The following ANKH variants were observed in gnomAD, a reference collection of about 807,000 sequenced individuals.
ANKH encodes ANKH inorganic pyrophosphate transport regulator.
Under a neutral mutation model 49.0 loss-of-function variants are expected in ANKH, and 15 were observed. The observed-to-expected ratio is 0.31, with a 90% CI of 0.20 to 0.47. ANKH has a LOEUF of 0.47. Among genes scored for constraint, ANKH ranks in the 20% least tolerant of loss-of-function variants. ANKH has a pLI of 1.00. For missense variants in ANKH, 429 were observed against 652.0 expected (o/e 0.66, Z 3.72); for synonymous variants, 273 against 260.0 (o/e 1.05, Z -0.48).
intron 1 of ANKH, among the ~76,000 whole-genome samples, chr5:14,867,881 T>G (rs953055312): frequency 6.6e-6 from 1 of 152,216 alleles, no homozygotes; most frequent in African/African-American, 2.4e-5. Context: ...TTTTATTCCA[T>G]AGAGCTTTTT....
rs749656900 is a variant in ANKH at position 14,755,897 on chromosome 5, C to A, written c.480G>T (p.Leu160=). 4 of 1,614,100 alleles carry A rather than the reference C, an allele frequency of 2.5e-6. No homozygotes were observed. The African/African-American group carries it at 4.0e-5, about 16-fold the overall frequency. ...CATCTGAGATTGAGGCACATCCCAC[C>A]AGGAAACTGTATTTGTGTTTTAAGA... ...GILLKHKYSF[L]VGCASISDVI... is the part of the protein sequence containing the mutation. The change falls in exon 4 of 12, where the codon CTG becomes CTT. Residue 160 remains leucine, a synonymous_variant. Coordinates refer to ENST00000284268, the MANE Select transcript of ANKH (RefSeq NM_054027.6).
At chr5:14,868,773 C>T (rs1735733492) in intron 1 of ANKH, 1 of 151,366 alleles carries the variant, frequency 6.6e-6, no homozygotes, top group Admixed American at 6.6e-5. Context: ...AACTCCTGAG[C>T]TCAAGCGATC....
chr5:14,738,551 T>A (rs1738256219), intron 8 of ANKH, among the ~76,000 whole-genome samples: 1 of 152,158 alleles, frequency 6.6e-6, no homozygotes, highest in African/African-American at 2.4e-5. Flanking sequence ...TCTGCTGAAA[T>A]AAACACCAAG....
At chr5:14,743,608 T>C (rs1002709234) in intron 7 of ANKH, among the ~76,000 whole-genome samples, 3 of 152,236 alleles carry the variant, frequency 2.0e-5, no homozygotes, top group Non-Finnish European at 4.4e-5. Flanking sequence ...TCTCTGATTC[T>C]GGAGCCCACA....
chr5:14,716,793 T>C lies in ANKH; in HGVS notation c.1054A>G (p.Ile352Val), dbSNP rs1349846762. ...TCCACTCCGATGATGTCTATCAAGATTTTCTCAGACACGTTGGGTGTCCAA... is the reference window on the plus strand; with the variant it reads ...TCCACTCCGATGATGTCTATCAAGACTTTCTCAGACACGTTGGGTGTCCAA... ...MFWTPNVSEK[I>V]LIDIIGVDFA... Residue 352 changes from isoleucine (I) to valine (V), a missense_variant, in exon 9 of 12, where the codon ATC becomes GTC. Ile to Val is a conservative substitution (Grantham distance 29, BLOSUM62 3). Coordinates refer to ENST00000284268, the MANE Select transcript of ANKH (RefSeq NM_054027.6). The C allele has an allele frequency of 5.6e-6, 9 of 1,614,184 alleles. No individual in the cohort carries two copies. Among genetic ancestry groups the C allele is most frequent in the Admixed American group, 1.7e-5 (1 of 60,032 alleles).
chr5:14,792,993 T>TATATATATATAAAAAAA (rs1561057653), intron 1 of ANKH, among the ~76,000 whole-genome samples: 1 of 90,600 alleles, frequency 1.1e-5, no homozygotes, highest in Non-Finnish European at 2.3e-5. Context: ...TATATAAAAA[T>TATATATATATAAAAAAA]ATATATATAT....
At chr5:14,711,340 G>T in intron 11 of ANKH, 30 bp from the exon 12 acceptor site, 9 of 1,586,170 alleles carry the variant, frequency 5.7e-6, no homozygotes, top group Non-Finnish European at 7.8e-6. Context: ...TCAGTGTGGG[G>T]CTGTGGATGG....
rs1188821303 is a variant in ANKH at position 14,710,912 on chromosome 5, C to A, written c.*285G>T. ...CCAGGGGAGGAGGACACAACGTCAA[C>A]CGTGAGGCAGCTGTGTCTTTTGGGT... On this transcript the variant is annotated 3_prime_UTR_variant, in exon 12 of 12. Transcript: ENST00000284268. 7.2e-6 allele frequency: 3 copies of A among 417,180 alleles called. No individual in the cohort carries two copies. The highest frequency in any genetic ancestry group is 1.4e-5 in the Non-Finnish European group (3 of 222,100). The allele number at this position is 417,180 out of a possible 1,614,324, so 25.8% of individuals were successfully genotyped here. A position where few individuals can be genotyped will look rare whatever the true frequency, so the allele number is the denominator to read the frequency against.
At chr5:14,860,323 C>T (rs1735443566) in intron 1 of ANKH, among the ~76,000 whole-genome samples, 1 of 152,196 alleles carries the variant, frequency 6.6e-6, no homozygotes, top group South Asian at 2.1e-4. Context: ...TCACTGTGGC[C>T]TTGGACTTGG....
chr5:14,826,277 T>C (rs1178265626), intron 1 of ANKH, among the ~76,000 whole-genome samples: 1 of 152,212 alleles, frequency 6.6e-6, no homozygotes, highest in East Asian at 1.9e-4. Flanking sequence ...ACACCTCATA[T>C]GGGATTAAGT....
intron 1 of ANKH, among the ~76,000 whole-genome samples, chr5:14,837,860 A>T (rs1297084000): frequency 6.6e-6 from 1 of 152,224 alleles, no homozygotes; most frequent in Non-Finnish European, 1.5e-5. Flanking sequence ...AATAGCAAAG[A>T]CTTGGAACCA....
rs938684141 is a variant in ANKH, at chr5:14,737,832, G to A, written c.1011+3995C>T. 5.9e-5 allele frequency among the ~76,000 whole-genome samples: 9 copies of A among 152,204 alleles called. No homozygotes were observed. Among genetic ancestry groups the A allele is most frequent in the African/African-American group, 1.9e-4 (8 of 41,446 alleles). ...CCCTCGTTGCTATCAAGGGGATTCC[G>A]TTTCATCTGACAGTTCTACTGTTTT... On this transcript the variant is annotated intron_variant, in intron 8 of 11. Coordinates refer to ENST00000284268, the MANE Select transcript of ANKH (RefSeq NM_054027.6). This position sits in a 1 kb window ranked among gnomAD's most constrained non-coding sequence, Gnocchi z 5.0.
intron 6 of ANKH, 61 bp from the exon 7 acceptor site, chr5:14,746,023 C>T (rs1738525236): frequency 1.4e-6 from 2 of 1,394,734 alleles, no homozygotes; most frequent in Non-Finnish European, 2.0e-6. Flanking sequence ...CCAGGAGCTA[C>T]AGTAGGTGAC....
intron 8 of ANKH, among the ~76,000 whole-genome samples, chr5:14,719,696 C>A (rs1304754335): frequency 6.6e-6 from 1 of 152,130 alleles, no homozygotes; most frequent in East Asian, 1.9e-4. Context: ...GGCTCAGCGT[C>A]AGAGTTTATC....
intron 1 of ANKH, among the ~76,000 whole-genome samples, chr5:14,828,532 C>CA (rs993408758): frequency 2.4e-4 from 37 of 151,842 alleles, no homozygotes; most frequent in Admixed American, 1.0e-3. Context: ...CAAAAACAAA[C>CA]AAAAAAACAA....
chr5:14,811,655 T>C (rs1048376039), intron 1 of ANKH, among the ~76,000 whole-genome samples: 1 of 152,224 alleles, frequency 6.6e-6, no homozygotes, highest in Non-Finnish European at 1.5e-5. Flanking sequence ...TTTAACATAT[T>C]TCAATTTCAG....
In ANKH at chr5:14,705,339, GGT is replaced by G. The variant is rs1381171155; in HGVS notation, c.*5856_*5857del. On this transcript the variant is annotated 3_prime_UTR_variant, in exon 12 of 12. Transcript: ENST00000284268. Reference sequence around the variant, plus strand: ...TGTTCAGATCTGAAATGAAGAATGAGGTGATTTTATTCTTCCATTGTAGGATC... The same window carrying G: ...TGTTCAGATCTGAAATGAAGAATGAGGATTTTATTCTTCCATTGTAGGATC... 1 of 152,080 alleles carries G rather than the reference GGT, an allele frequency of 6.6e-6. No individual in the cohort carries two copies. Among genetic ancestry groups the G allele is most frequent in the Non-Finnish European group, 1.5e-5 (1 of 68,012 alleles). 9.4% of individuals were successfully genotyped at this position (152,080 alleles called of 1,614,324 possible). A position where few individuals can be genotyped will look rare whatever the true frequency, so the allele number is the denominator to read the frequency against.
chr5:14,749,051 T>C lies in ANKH; in HGVS notation c.822+121A>G, dbSNP rs112678585. ...GATCTTTATGGCTTCCTAGTGTGAC[T>C]GTCATGTAATTTAATATTGGGGAAT... On this transcript the variant is annotated intron_variant, in intron 6 of 11. Transcript: ENST00000284268. 5.4e-5 allele frequency: 75 copies of C among 1,385,108 alleles called. No homozygotes were observed. In the African/African-American group the frequency reaches 8.4e-4, roughly 16 times the overall value. The allele number at this position is 1,385,108 out of a possible 1,614,324, so 85.8% of individuals were successfully genotyped here. A position where few individuals can be genotyped will look rare whatever the true frequency, so the allele number is the denominator to read the frequency against.
At chr5:14,844,756 T>G (rs767825858) in intron 1 of ANKH, among the ~76,000 whole-genome samples, 21 of 152,216 alleles carry the variant, frequency 1.4e-4, no homozygotes, top group Non-Finnish European at 2.6e-4. Context: ...CTCCTCAGAC[T>G]TGAAGAATTT....
Sources: allele counts gnomAD v4.1 joint callset (sites outside exome capture counted in the v4.1 genomes callset), GRCh38; gene constraint gnomAD v4.1.1; non-coding constraint Gnocchi (gnomAD v3.1); transcripts MANE v1.5; gene names NCBI Gene and HGNC (gene_info 2026-07-23, HGNC 2026-07-21).